MOB3B: variants seen among roughly 807,000 people sequenced by gnomAD.
MOB3B encodes MOB kinase activator-like 2B.
MOB3B carries 7 observed loss-of-function variants against 18.7 expected under a neutral mutation model. The observed-to-expected ratio is 0.37, with a 90% CI of 0.21 to 0.70. MOB3B has a LOEUF of 0.70. MOB3B is among the 30% of genes least tolerant of loss of function. The pLI is 0.52. For synonymous variants in MOB3B, 111 were observed against 99.9 expected (o/e 1.11, Z -0.66); for missense variants, 253 against 281.3 (o/e 0.90, Z 0.72).
At chr9:27,470,661 C>A (rs1312045181) in intron 1 of MOB3B, among the ~76,000 whole-genome samples, 1 of 152,188 alleles carries the variant, frequency 6.6e-6, no homozygotes. Flanking sequence ...GCCCACCCAC[C>A]CATCTGTTAG....
intron 3 of MOB3B, among the ~76,000 whole-genome samples, chr9:27,352,343 G>GCC (rs1003608451): frequency 3.5e-5 from 5 of 144,064 alleles, no homozygotes; most frequent in African/African-American, 1.3e-4. Context: ...GATCACACCA[G>GCC]CCTGGGTGAC....
chr9:27,397,010 G>A (rs556092193), intron 2 of MOB3B: 5 of 152,288 alleles, frequency 3.3e-5, no homozygotes, highest in African/African-American at 1.2e-4. Flanking sequence ...ATCTTTTTGA[G>A]CAGCTTTTAA....
intron 3 of MOB3B, among the ~76,000 whole-genome samples, chr9:27,352,031 T>C (rs879648161): frequency 1.2e-4 from 18 of 152,078 alleles, no homozygotes; most frequent in Admixed American, 1.0e-3. Context: ...ATGGCAGTGA[T>C]AAGGGATGGA....
At chr9:27,457,515 C>T (rs943179582) in intron 1 of MOB3B, among the ~76,000 whole-genome samples, 5 of 152,186 alleles carry the variant, frequency 3.3e-5, no homozygotes, top group African/African-American at 1.2e-4. Context: ...ATACCTAAGA[C>T]ATCCTGATTC....
intron 1 of MOB3B, among the ~76,000 whole-genome samples, chr9:27,501,893 G>A (rs1159341614): frequency 6.6e-6 from 1 of 152,072 alleles, no homozygotes; most frequent in Non-Finnish European, 1.5e-5. Context: ...ACAAAAAAAA[G>A]AGAAGTTATT....
chr9:27,398,352 A>G (rs1821830822), intron 2 of MOB3B, among the ~76,000 whole-genome samples: 1 of 152,310 alleles, frequency 6.6e-6, no homozygotes, highest in East Asian at 1.9e-4. Context: ...AATGGCAACT[A>G]TCTCCTTGAT....
At chr9:27,443,820 C>T (rs1462237217) in intron 2 of MOB3B, among the ~76,000 whole-genome samples, 1 of 152,122 alleles carries the variant, frequency 6.6e-6, no homozygotes, top group African/African-American at 2.4e-5. Context: ...TTTATTAGCC[C>T]TGGTAGTTGT....
At position 27,399,101 on chromosome 9, in the gene MOB3B, A is replaced by AC. The variant is rs200501428; in HGVS notation, c.419-39866dup. On this transcript the variant is annotated intron_variant, in intron 2 of 3. Transcript: ENST00000262244. ...GTTAAGTGAGGAAAACTCTGAGGAA[A>AC]CCAAGCCCACATGAGATCTACTATT... 6.7e-4 allele frequency among the ~76,000 whole-genome samples: 102 copies of AC among 152,278 alleles called. No individual in the cohort carries two copies. The East Asian group carries it at 0.019, about 28-fold the overall frequency.
In MOB3B at chr9:27,455,489, A is replaced by C; in HGVS notation, c.62T>G (p.Phe21Cys). The change falls in exon 2 of 4, where the codon TTT becomes TGT. Residue 21 changes from phenylalanine (F) to cysteine (C), a missense_variant. Coordinates refer to ENST00000262244, the MANE Select transcript of MOB3B (RefSeq NM_024761.5). ...KDKTFRPKRK[F>C]EPGTQRFELH... ...CTCAAACCTCTGTGTGCCAGGTTCA[A>C]ATTTCCTCTTGGGTCGGAAGGTCTT... 1.2e-6 allele frequency: 2 copies of C among 1,614,196 alleles called. No homozygotes were observed. The highest frequency in any genetic ancestry group is 1.3e-5 in the African/African-American group (1 of 75,060).
chr9:27,355,519 T>C (rs113290621), intron 3 of MOB3B, among the ~76,000 whole-genome samples: 1,863 of 152,228 alleles, frequency 0.012, 48 homozygotes, highest in African/African-American at 0.043. Flanking sequence ...TTTTTCAGAC[T>C]GTATTGTAAA....
At chr9:27,524,803 A>C in intron 1 of MOB3B, 1 of 1,614,134 alleles carries the variant, frequency 6.2e-7, no homozygotes, top group Non-Finnish European at 8.5e-7. Context: ...AGGGTCCCCC[A>C]GCTGAGCAGC....
At chr9:27,346,895 C>A (rs949242385) in intron 3 of MOB3B, among the ~76,000 whole-genome samples, 1 of 152,100 alleles carries the variant, frequency 6.6e-6, no homozygotes, top group Non-Finnish European at 1.5e-5. Flanking sequence ...ACTCGGGAGT[C>A]TGAGGTGGGA....
intron 2 of MOB3B, among the ~76,000 whole-genome samples, chr9:27,407,040 T>C (rs1412847885): frequency 2.0e-5 from 3 of 152,108 alleles, no homozygotes; most frequent in Admixed American, 2.0e-4. Flanking sequence ...GGTTTCACCA[T>C]GTTGGCCAGG....
intron 3 of MOB3B, among the ~76,000 whole-genome samples, chr9:27,342,554 C>T (rs10812571): frequency 0.79 from 120,113 of 151,836 alleles, 48,227 homozygotes; most frequent in Non-Finnish European, 0.85. Flanking sequence ...CTTGGCTCAC[C>T]GCAACCTCCC....
At chr9:27,358,844 C>T in intron 3 of MOB3B, 190 bp downstream of exon 3, 2 of 762,464 alleles carry the variant, frequency 2.6e-6, no homozygotes, top group Non-Finnish European at 2.4e-6. Flanking sequence ...ATCTCGGACA[C>T]TTATTTGGTG....
At chr9:27,524,313 T>C (rs761371404) in intron 1 of MOB3B, 3 of 1,600,646 alleles carry the variant, frequency 1.9e-6, no homozygotes, top group Non-Finnish European at 2.6e-6. Flanking sequence ...ACACATCTTC[T>C]GGATTTTTTA....
At chr9:27,347,023 A>G in intron 3 of MOB3B, among the ~76,000 whole-genome samples, 1 of 152,320 alleles carries the variant, frequency 6.6e-6, no homozygotes, top group South Asian at 2.1e-4. Flanking sequence ...ACAGAATTAT[A>G]CTATTAGAAA....
At chr9:27,343,478 T>TAAAAA (rs779124158) in intron 3 of MOB3B, among the ~76,000 whole-genome samples, 5 of 84,308 alleles carry the variant, frequency 5.9e-5, no homozygotes, top group African/African-American at 1.5e-4. Context: ...CAATAAATAC[T>TAAAAA]AAAAAAAAAA....
At chr9:27,454,391 T>C (rs899620993) in intron 2 of MOB3B, among the ~76,000 whole-genome samples, 1 of 152,216 alleles carries the variant, frequency 6.6e-6, no homozygotes, top group Non-Finnish European at 1.5e-5. Flanking sequence ...ACATAGGAGA[T>C]TGCGGATTCC....
Sources: allele counts gnomAD v4.1 joint callset (sites outside exome capture counted in the v4.1 genomes callset), GRCh38; gene constraint gnomAD v4.1.1; transcripts MANE v1.5; gene names NCBI Gene and HGNC (gene_info 2026-07-23, HGNC 2026-07-21).